Variants in KLK13 observed in about 807,000 individuals in gnomAD.
The protein encoded by KLK13 is kallikrein-13.
In KLK13, 19 loss-of-function variants were observed where a neutral mutation model predicts 22.4. The ratio of observed to expected loss-of-function variants is 0.85; its 90% confidence interval spans 0.59 to 1.24. The LOEUF is 1.24. Ranked by LOEUF, KLK13 falls within the 50% of genes most tolerant of loss-of-function variation. KLK13 has a pLI of 0.00. For synonymous variants in KLK13, 156 were observed against 141.8 expected, an observed-to-expected ratio of 1.10 and a Z score of -0.71; for missense variants, 311 against 347.9, an observed-to-expected ratio of 0.89 and a Z score of 0.84.
intron 4 of KLK13, 117 bp downstream of exon 4, chr19:51,058,421 G>A: frequency 1.6e-6 from 2 of 1,212,634 alleles, no homozygotes; most frequent in Non-Finnish European, 2.3e-6. Flanking sequence ...AGGGGACATT[G>A]TATCTTATAA....
intron 1 of KLK13, among the ~76,000 whole-genome samples, chr19:51,061,184 TCCA>T (rs2091727807): frequency 3.3e-5 from 1 of 30,586 alleles, no homozygotes; most frequent in African/African-American, 1.8e-4. Context: ...CATTTATTCA[TCCA>T]TCCATCCATC....
At chr19:51,061,450 T>C (rs1383710446) in intron 1 of KLK13, among the ~76,000 whole-genome samples, 4 of 152,240 alleles carry the variant, frequency 2.6e-5, no homozygotes, top group Admixed American at 2.6e-4. Flanking sequence ...TTAAGCTTTG[T>C]ATTCCCAACT....
rs145116023 is a variant in KLK13, at chr19:51,060,802, G to A, written c.53-183C>T. ...CAAGTGGAGATGAATTAGGGCAAAG[G>A]GGTGACATTATTTTCTCAGGAAGTA... is the stretch of plus-strand genomic sequence containing the variant. On this transcript the variant is annotated intron_variant, in intron 1 of 4. Coordinates refer to ENST00000595793, the MANE Select transcript of KLK13 (RefSeq NM_015596.3). 7.3e-4 allele frequency among the ~76,000 whole-genome samples: 111 copies of A among 152,230 alleles called. 3 individuals are homozygous for A. The highest frequency in any genetic ancestry group is 2.6e-3 in the African/African-American group (110 of 41,526).
intron 1 of KLK13, 73 bp from the exon 2 acceptor site, chr19:51,060,692 G>C: frequency 2.3e-6 from 3 of 1,302,784 alleles, no homozygotes; most frequent in Non-Finnish European, 3.2e-6. Context: ...TGGTTTCTGG[G>C]TTTGGGGTAA....
At position 51,060,014 on chromosome 19, in the gene KLK13, T is replaced by C. The variant is rs537179612; in HGVS notation, c.319A>G (p.Ile107Val). 222 of 1,613,790 alleles carry C rather than the reference T, an allele frequency of 1.4e-4. 2 individuals are homozygous for C. The South Asian group carries it at 2.3e-3, about 17-fold the overall frequency. Residue 107 changes from isoleucine (I) to valine (V), a missense_variant, in exon 3 of 5, where the codon ATC becomes GTC. Ile to Val is a conservative substitution (Grantham distance 29). Transcript: ENST00000595793. ...GEQVREVVHS[I>V]PHPEYRRSPT... is the part of the protein sequence containing the mutation. Reference sequence around the variant, plus strand: ...CTTCTCCGGTATTCAGGGTGGGGGATAGAGTGGACAACTTCCCTCACCTGC... The same window carrying C: ...CTTCTCCGGTATTCAGGGTGGGGGACAGAGTGGACAACTTCCCTCACCTGC...
intron 1 of KLK13, 89 bp from the exon 2 acceptor site, chr19:51,060,708 G>A (rs2569474): frequency 0.78 from 826,450 of 1,056,564 alleles, 324,760 homozygotes; most frequent in East Asian, 0.96. Context: ...GGTAAGGGTC[G>A]GATTATTGCC....
intron 1 of KLK13, among the ~76,000 whole-genome samples, chr19:51,061,137 C>T (rs1181447488): frequency 1.3e-5 from 2 of 151,780 alleles, no homozygotes; most frequent in Non-Finnish European, 2.9e-5. Flanking sequence ...ATCCATCCAA[C>T]CATCCATCCA....
At position 51,056,341 on chromosome 19, in the gene KLK13, G is replaced by A; in HGVS notation, c.*246C>T. On this transcript the variant is annotated 3_prime_UTR_variant, in exon 5 of 5. Transcript: ENST00000595793. ...CCACACTGATGAAGTTGAGAGACCT[G>A]GGCCATTGTCTGGGTTGGGACATTC... The A allele has an allele frequency of 2.0e-6, 1 of 489,526 alleles. No homozygotes were observed. The highest frequency in any genetic ancestry group is 3.7e-6 in the Non-Finnish European group (1 of 272,454). The allele number at this position is 489,526 out of a possible 1,614,324, so 30.3% of individuals were successfully genotyped here.
Position 51,056,675 on chromosome 19 carries a change from G to C in KLK13, c.746C>G (p.Thr249Ser). 1 of 1,614,194 alleles carries C rather than the reference G, an allele frequency of 6.2e-7. No homozygotes were observed. The highest frequency in any genetic ancestry group is 1.3e-5 in the African/African-American group (1 of 75,048). Residue 249 changes from threonine to serine, a missense_variant, in exon 5 of 5, where the codon ACC (threonine) becomes AGC (serine). Transcript: ENST00000595793. Reference protein sequence around the residue: ...CGQPDRPGVYTRVSRYVLWIR... With the variant: ...CGQPDRPGVYSRVSRYVLWIR... ...CCACAGGACGTATCTTGAGACACGGGTGTAGACACCAGGCCGGTCAGGTTG... is the reference window on the plus strand; with the variant it reads ...CCACAGGACGTATCTTGAGACACGGCTGTAGACACCAGGCCGGTCAGGTTG...
intron 1 of KLK13, among the ~76,000 whole-genome samples, chr19:51,061,158 C>T (rs1475322517): frequency 2.0e-5 from 3 of 151,724 alleles, no homozygotes; most frequent in African/African-American, 7.3e-5. Flanking sequence ...CTCATCTGTC[C>T]CTCCATCCAC....
At chr19:51,064,752 G>A in intron 1 of KLK13, 1 of 650,226 alleles carries the variant, frequency 1.5e-6, no homozygotes. Flanking sequence ...GCTTTCCAGA[G>A]AGGACAGGAA....
chr19:51,058,285 G>A (rs1215725580), intron 4 of KLK13, among the ~76,000 whole-genome samples: 1 of 152,180 alleles, frequency 6.6e-6, no homozygotes, highest in Non-Finnish European at 1.5e-5. Context: ...ACTCACAAGT[G>A]AAAGAATACC....
intron 1 of KLK13, chr19:51,064,473 G>T (rs1261169880): frequency 3.5e-6 from 1 of 281,788 alleles, no homozygotes; most frequent in Non-Finnish European, 6.6e-6. Flanking sequence ...GGGAGACAGA[G>T]CAAGGTTCCA....
intron 4 of KLK13, among the ~76,000 whole-genome samples, chr19:51,058,255 G>C (rs1226073110): frequency 6.6e-6 from 1 of 152,208 alleles, no homozygotes; most frequent in South Asian, 2.1e-4. Context: ...GTTTAAGCCA[G>C]TTTGAGTTGG....
At chr19:51,064,793 G>C (rs144450378) in intron 1 of KLK13, 6,332 of 620,834 alleles carry the variant, frequency 0.01, 53 homozygotes, top group Non-Finnish European at 0.015. Flanking sequence ...TGCTGCGAGG[G>C]TATTTTGGGA....
chr19:51,058,785 A>C, intron 3 of KLK13, 111 bp from the exon 4 acceptor site: 1 of 1,068,944 alleles, frequency 9.4e-7, no homozygotes, highest in East Asian at 2.4e-5. Context: ...TGAGATGGGA[A>C]GAGAAAGATG....
chr19:51,058,763 T>C, intron 3 of KLK13, 89 bp from the exon 4 acceptor site: 1 of 1,293,832 alleles, frequency 7.7e-7, no homozygotes, highest in Non-Finnish European at 1.1e-6. Context: ...GGGTAAAGAG[T>C]AGATAGAAAA....
At chr19:51,062,974 A>G (rs1404318) in intron 1 of KLK13, among the ~76,000 whole-genome samples, 77,898 of 152,016 alleles carry the variant, frequency 0.51, 21,343 homozygotes, top group African/African-American at 0.68. Context: ...GATGGTAGAG[A>G]GATGAGATTT....
At chr19:51,063,813 G>T (rs1449861082) in intron 1 of KLK13, 1 of 464,884 alleles carries the variant, frequency 2.2e-6, no homozygotes, top group Non-Finnish European at 4.3e-6. Context: ...TGGTCGGGAA[G>T]CCGCCATTAC....
Sources: allele counts gnomAD v4.1 joint callset (sites outside exome capture counted in the v4.1 genomes callset), GRCh38; gene constraint gnomAD v4.1.1; transcripts MANE v1.5; gene names NCBI Gene and HGNC (gene_info 2026-07-23, HGNC 2026-07-21).